SLC12A3: variants seen among roughly 807,000 people sequenced by gnomAD.
SLC12A3 encodes Na-Cl cotransporter.
Under a neutral mutation model 121.0 loss-of-function variants are expected in SLC12A3, and 104 were observed. That is an observed-to-expected ratio of 0.86 (90% CI 0.73 to 1.01). The LOEUF is 1.01. Ranked by LOEUF, SLC12A3 falls within the 50% of genes least tolerant of loss-of-function variation. The pLI, the probability that SLC12A3 is intolerant of heterozygous loss-of-function variation, is 0.00. For missense variants in SLC12A3, 1,328 were observed against 1,356.3 expected (o/e 0.98, Z 0.33); for synonymous variants, 536 against 533.4 (o/e 1.00, Z -0.07).
intron 17 of SLC12A3, 89 bp downstream of exon 17, chr16:56,887,182 G>A: frequency 6.4e-7 from 1 of 1,557,608 alleles, no homozygotes. Flanking sequence ...CTTTGCTTAA[G>A]CCCCTTTTGC....
chr16:56,869,249 T>A (rs1480805372), intron 3 of SLC12A3, among the ~76,000 whole-genome samples: 1 of 152,206 alleles, frequency 6.6e-6, no homozygotes, highest in East Asian at 1.9e-4. Context: ...CGAGGGTAGC[T>A]TCCCCTCCAT....
chr16:56,886,717 C>G (rs2055317264), intron 16 of SLC12A3, among the ~76,000 whole-genome samples: 1 of 152,106 alleles, frequency 6.6e-6, no homozygotes, highest in Non-Finnish European at 1.5e-5. Flanking sequence ...CTCTCCCCTT[C>G]CTGGCCCCTC....
At chr16:56,909,208 C>T (rs1234884228) in intron 25 of SLC12A3, among the ~76,000 whole-genome samples, 1 of 151,666 alleles carries the variant, frequency 6.6e-6, no homozygotes. Context: ...CCTGTAATCC[C>T]AGCACTTTGG....
chr16:56,883,436 A>G lies in SLC12A3; in HGVS notation c.1670-613A>G, dbSNP rs1356398670. Among the ~76,000 whole-genome samples the G allele has an allele frequency of 2.7e-5, 4 of 150,752 alleles. No homozygotes were observed. In the East Asian group the frequency reaches 7.7e-4, roughly 29 times the overall value. On this transcript the variant is annotated intron_variant, in intron 13 of 25. Transcript: ENST00000563236. ...GCTGGGATTACAGGCGCCCACCACC[A>G]CGCCCAGCTAATTTTTTGTATTTTT...
intron 13 of SLC12A3, among the ~76,000 whole-genome samples, chr16:56,883,282 T>TC (rs1392802393): frequency 9.6e-4 from 140 of 146,294 alleles, no homozygotes; most frequent in Non-Finnish European, 1.0e-3. Context: ...TTTCTTTCTT[T>TC]TTTTTTTTTT....
At chr16:56,883,424 G>A (rs2055268240) in intron 13 of SLC12A3, among the ~76,000 whole-genome samples, 1 of 151,702 alleles carries the variant, frequency 6.6e-6, no homozygotes, top group Non-Finnish European at 1.5e-5. Context: ...GGGATTACAG[G>A]CGCCCACCAC....
At chr16:56,904,087 G>A (rs1230346812) in intron 24 of SLC12A3, among the ~76,000 whole-genome samples, 15 of 152,204 alleles carry the variant, frequency 9.9e-5, no homozygotes, top group Admixed American at 3.3e-4. Context: ...TCTCTGCTAT[G>A]AAATGTGAGA....
In SLC12A3 at chr16:56,872,422, A is replaced by G; in HGVS notation, c.924A>G (p.Pro308=). The change falls in exon 7 of 26, where the codon CCA becomes CCG. Residue 308 remains proline (P), a synonymous_variant. Transcript: ENST00000563236. ...ATTTAGTGGGGACGCTGATCCCCCC[A>G]TCTGAGGACAAGGCCTCCAAAGGCT... is the stretch of plus-strand genomic sequence containing the variant. The part of the protein sequence containing the change: ...ANYLVGTLIP[P]SEDKASKGFF... The G allele has an allele frequency of 1.2e-6, 2 of 1,614,124 alleles. No homozygotes were observed. Among genetic ancestry groups the G allele is most frequent in the South Asian group, 1.1e-5 (1 of 91,082 alleles).
At chr16:56,886,778 C>T (rs1485785036) in intron 16 of SLC12A3, among the ~76,000 whole-genome samples, 175 bp from the exon 17 acceptor site, 2 of 152,126 alleles carry the variant, frequency 1.3e-5, no homozygotes, top group African/African-American at 4.8e-5. Context: ...CCCTCCCTCT[C>T]CCTTCCTCCC....
At chr16:56,883,268 ACTTTTTCTTT>A (rs1368110726) in intron 13 of SLC12A3, among the ~76,000 whole-genome samples, 1 of 146,912 alleles carries the variant, frequency 6.8e-6, no homozygotes, top group African/African-American at 2.5e-5. Flanking sequence ...CTTGAGGAAG[ACTTTTTCTTT>A]CTTTTTTTTT....
rs769020328 is a variant in SLC12A3 at position 56,892,181 on chromosome 16, C to T, written c.2419+48C>T. ...CGCTTGTCAGTGTTCCCACTCAGAG[C>T]TCAGGGCACTCTAGCCCTGTGGGGT... On this transcript the variant is annotated intron_variant, in intron 20 of 25. Transcript: ENST00000563236. The T allele has an allele frequency of 2.5e-6, 4 of 1,586,550 alleles. No homozygotes were observed. In the South Asian group the frequency reaches 4.4e-5, roughly 18 times the overall value.
chr16:56,910,950 G>A (rs370076970), intron 25 of SLC12A3, among the ~76,000 whole-genome samples: 9 of 152,218 alleles, frequency 5.9e-5, no homozygotes, highest in African/African-American at 2.2e-4. Flanking sequence ...TGACTGGTGT[G>A]GGGGCGGGGG....
intron 21 of SLC12A3, among the ~76,000 whole-genome samples, chr16:56,893,670 A>T (rs1567442210): frequency 1.3e-5 from 2 of 152,234 alleles, no homozygotes; most frequent in Admixed American, 6.5e-5. Flanking sequence ...GTGGAGAGAC[A>T]ACAGAGAGGG....
intron 16 of SLC12A3, 54 bp from the exon 17 acceptor site, chr16:56,886,899 T>A: frequency 1.2e-5 from 19 of 1,611,246 alleles, no homozygotes; most frequent in Non-Finnish European, 1.6e-5. Flanking sequence ...GGGTTGAATC[T>A]CAGGCTGGAG....
chr16:56,871,168 C>T (rs1450194204), intron 6 of SLC12A3, among the ~76,000 whole-genome samples: 1 of 152,188 alleles, frequency 6.6e-6, no homozygotes, highest in Non-Finnish European at 1.5e-5. Context: ...CCTAGGTCCA[C>T]ATGGCCCAGG....
chr16:56,909,616 A>G (rs2055657187), intron 25 of SLC12A3, among the ~76,000 whole-genome samples: 1 of 152,138 alleles, frequency 6.6e-6, no homozygotes, highest in Non-Finnish European at 1.5e-5. Context: ...CACCGGGAGG[A>G]CAGAGCAGCT....
At chr16:56,898,585 G>T (rs2055496721) in intron 22 of SLC12A3, among the ~76,000 whole-genome samples, 1 of 152,036 alleles carries the variant, frequency 6.6e-6, no homozygotes, top group South Asian at 2.1e-4. Flanking sequence ...GGCTTCTTGG[G>T]TAATGTTAGT....
intron 22 of SLC12A3, 25 bp from the exon 23 acceptor site, chr16:56,899,505 A>C: frequency 6.3e-7 from 1 of 1,583,652 alleles, no homozygotes; most frequent in South Asian, 1.1e-5. Context: ...AAGTAATAAC[A>C]ATAAACCCTC....
chr16:56,902,347 G>T, intron 23 of SLC12A3, 26 bp from the exon 24 acceptor site: 2 of 1,613,980 alleles, frequency 1.2e-6, no homozygotes, highest in Non-Finnish European at 1.7e-6. Flanking sequence ...GTCTCAGCCG[G>T]CCTCAACCCA....
Sources: allele counts gnomAD v4.1 joint callset (sites outside exome capture counted in the v4.1 genomes callset), GRCh38; gene constraint gnomAD v4.1.1; transcripts MANE v1.5; gene names NCBI Gene and HGNC (gene_info 2026-07-23, HGNC 2026-07-21).